The following INPP5A variants were observed in gnomAD, a reference collection of about 807,000 sequenced individuals.
INPP5A encodes the protein 43 kDa inositol polyphosphate 5-phophatase.
In INPP5A, 14 loss-of-function variants were observed where a neutral mutation model predicts 65.2. That is an observed-to-expected ratio of 0.21 (90% confidence interval 0.14 to 0.34). The LOEUF (loss-of-function observed/expected upper bound fraction) is 0.34, where lower values mean the gene tolerates loss of function less well. Ranked by LOEUF, INPP5A falls within the 10% of genes least tolerant of loss-of-function variation. INPP5A has a pLI of 1.00. For synonymous variants in INPP5A, 207 were observed against 208.3 expected, an observed-to-expected ratio of 0.99 and a Z score of 0.05; for missense variants, 431 against 545.6, an observed-to-expected ratio of 0.79 and a Z score of 2.09.
chr10:132,775,710 C>T (rs1380912946), intron 12 of INPP5A, among the ~76,000 whole-genome samples: 2 of 152,202 alleles, frequency 1.3e-5, no homozygotes, highest in African/African-American at 2.4e-5. Flanking sequence ...AAGCCGCTGC[C>T]ACTCTGGCAT....
rs1362772030 is a variant in INPP5A, at chr10:132,637,202, C to T, written c.118-8666C>T. On this transcript the variant is annotated intron_variant, in intron 2 of 15. Transcript: ENST00000368594. This position sits in a 1 kb window ranked among gnomAD's most constrained non-coding sequence, Gnocchi z 4.1. ...CCTCCCAAAGTGGTGGGATTACAGG[C>T]GTGAGCCACCTGTTGTTTAATTGAT... 6.6e-6 allele frequency among the ~76,000 whole-genome samples: 1 copy of T among 152,198 alleles called. No individual in the cohort carries two copies. The highest frequency in any genetic ancestry group is 1.9e-4 in the East Asian group (1 of 5,198).
chr10:132,688,134 G>A (rs1845172190), intron 4 of INPP5A, among the ~76,000 whole-genome samples: 1 of 152,296 alleles, frequency 6.6e-6, no homozygotes, highest in Non-Finnish European at 1.5e-5. Flanking sequence ...AACCAGAGAC[G>A]GCCTAACAGG....
intron 6 of INPP5A, among the ~76,000 whole-genome samples, chr10:132,699,911 G>C (rs1483093324): frequency 1.3e-5 from 2 of 152,218 alleles, no homozygotes; most frequent in African/African-American, 4.8e-5. Context: ...AGATCTGGGG[G>C]CCTCTGCTAT....
intron 12 of INPP5A, among the ~76,000 whole-genome samples, chr10:132,767,714 G>C (rs1005410287): frequency 2.6e-5 from 4 of 152,032 alleles, no homozygotes; most frequent in Admixed American, 1.3e-4. Context: ...AAAGATCCAT[G>C]GACCCCGACC....
intron 11 of INPP5A, among the ~76,000 whole-genome samples, chr10:132,757,568 G>A (rs933471689): frequency 2.0e-5 from 3 of 152,238 alleles, no homozygotes; most frequent in African/African-American, 4.8e-5. Context: ...CTAAGGGTGC[G>A]TTTCTCAGAC....
chr10:132,782,104 C>A lies in INPP5A; in HGVS notation c.*75C>A. ...CCTGTAGCCGTGGACCGAATACGCACTCTTGAAAGCTGCATCGAGAACCCG... is the reference window on the plus strand; with the variant it reads ...CCTGTAGCCGTGGACCGAATACGCAATCTTGAAAGCTGCATCGAGAACCCG... On this transcript the variant is annotated 3_prime_UTR_variant, in exon 16 of 16. Transcript: ENST00000368594. The surrounding 1 kb of genome is among the most constrained non-coding windows in gnomAD (Gnocchi z 4.4). The A allele has an allele frequency of 6.5e-7, 1 of 1,537,954 alleles. No individual in the cohort carries two copies.
At chr10:132,732,284 A>G (rs1396591349) in intron 9 of INPP5A, among the ~76,000 whole-genome samples, 1 of 152,272 alleles carries the variant, frequency 6.6e-6, no homozygotes, top group Non-Finnish European at 1.5e-5. Context: ...GCAAGTGTCT[A>G]AGATCCTTGC....
intron 2 of INPP5A, among the ~76,000 whole-genome samples, chr10:132,621,366 C>T (rs1018531894): frequency 2.0e-5 from 3 of 152,158 alleles, no homozygotes; most frequent in Non-Finnish European, 4.4e-5. Flanking sequence ...AAGAATACTC[C>T]TGTGGCACAG....
intron 1 of INPP5A, among the ~76,000 whole-genome samples, chr10:132,588,856 T>C (rs988013666): frequency 6.6e-6 from 1 of 151,906 alleles, no homozygotes; most frequent in African/African-American, 2.4e-5. Flanking sequence ...TGGGGTGTGG[T>C]CCCGCGTTCT....
Position 132,616,534 on chromosome 10 carries a change from G to A in INPP5A, c.117+8578G>A, listed in dbSNP as rs1191421541. ...GGGATGCTGTGGTCACATGGGACAT[G>A]GTGTATGGGACGTGGTGGTGACATA... On this transcript the variant is annotated intron_variant, in intron 2 of 15. Transcript: ENST00000368594. This position sits in a 1 kb window ranked among gnomAD's most constrained non-coding sequence, Gnocchi z 4.9. 6.6e-6 allele frequency among the ~76,000 whole-genome samples: 1 copy of A among 152,114 alleles called. No homozygotes were observed. Among genetic ancestry groups the A allele is most frequent in the African/African-American group, 2.4e-5 (1 of 41,396 alleles).
chr10:132,731,996 C>T (rs892943148), intron 9 of INPP5A, among the ~76,000 whole-genome samples: 3 of 152,226 alleles, frequency 2.0e-5, no homozygotes, highest in Non-Finnish European at 4.4e-5. Context: ...ACGTAGATGC[C>T]ACCCAGGGGA....
At chr10:132,669,314 C>T (rs1027087861) in intron 4 of INPP5A, among the ~76,000 whole-genome samples, 9 of 152,176 alleles carry the variant, frequency 5.9e-5, no homozygotes, top group East Asian at 1.9e-4. Context: ...GAAGTAGCCC[C>T]GTGAGCGCCA....
intron 2 of INPP5A, among the ~76,000 whole-genome samples, chr10:132,617,461 C>T (rs554444555): frequency 4.6e-5 from 7 of 152,262 alleles, no homozygotes; most frequent in Non-Finnish European, 8.8e-5. Context: ...GGGTGAGAGG[C>T]GGTGGAGGAC....
chr10:132,610,161 A>G (rs975550224), intron 2 of INPP5A, among the ~76,000 whole-genome samples: 1 of 152,274 alleles, frequency 6.6e-6, no homozygotes, highest in East Asian at 1.9e-4. Context: ...GGCAGTGGCC[A>G]GGCTCTACCT....
intron 8 of INPP5A, among the ~76,000 whole-genome samples, chr10:132,715,330 C>T (rs957463786): frequency 6.6e-6 from 1 of 152,146 alleles, no homozygotes; most frequent in Non-Finnish European, 1.5e-5. Flanking sequence ...CCCCTTTGTC[C>T]CCCCATTATT....
Position 132,603,627 on chromosome 10 carries a change from G to A in INPP5A, c.76-4288G>A, listed in dbSNP as rs532996155. On this transcript the variant is annotated intron_variant, in intron 1 of 15. Coordinates refer to ENST00000368594, the MANE Select transcript of INPP5A (RefSeq NM_005539.5). The surrounding 1 kb of genome is among the most constrained non-coding windows in gnomAD (Gnocchi z 4.2). ...CTTTTCTAAACTTGAAGAATGTAGC[G>A]TTTAAGAATACATTTTAATTTTAGA... 1.3e-4 allele frequency among the ~76,000 whole-genome samples: 20 copies of A among 152,300 alleles called. No homozygotes were observed. The South Asian group carries it at 2.3e-3, about 17-fold the overall frequency.
chr10:132,547,305 C>T lies in INPP5A; in HGVS notation c.75+9134C>T, dbSNP rs2070989747. 6.6e-6 allele frequency among the ~76,000 whole-genome samples: 1 copy of T among 152,156 alleles called. No individual in the cohort carries two copies. The highest frequency in any genetic ancestry group is 1.5e-5 in the Non-Finnish European group (1 of 68,018). On this transcript the variant is annotated intron_variant, in intron 1 of 15. Transcript: ENST00000368594. The surrounding 1 kb of genome is among the most constrained non-coding windows in gnomAD (Gnocchi z 5.5). ...CTGTCAGCCTTTGGGCTGAGTGAGGCGTTACTGCCATCAGGGGTCCCTGGA... is the reference window on the plus strand; with the variant it reads ...CTGTCAGCCTTTGGGCTGAGTGAGGTGTTACTGCCATCAGGGGTCCCTGGA...
chr10:132,676,458 C>G lies in INPP5A; in HGVS notation c.307-13934C>G, dbSNP rs2072965622. ...GGCATGGGGAATTTACTTGCTTTTC[C>G]TTTTTGTCTGGCATCAGCTCGTGAA... On this transcript the variant is annotated intron_variant, in intron 4 of 15. Transcript: ENST00000368594. This position sits in a 1 kb window ranked among gnomAD's most constrained non-coding sequence, Gnocchi z 4.0. 6.6e-6 allele frequency among the ~76,000 whole-genome samples: 1 copy of G among 152,174 alleles called. No homozygotes were observed. The highest frequency in any genetic ancestry group is 2.4e-5 in the African/African-American group (1 of 41,436).
rs1380561419 is a variant in INPP5A at position 132,704,039 on chromosome 10, A to C, written c.475-4274A>C. On this transcript the variant is annotated intron_variant, in intron 6 of 15. Transcript: ENST00000368594. The surrounding 1 kb of genome is among the most constrained non-coding windows in gnomAD (Gnocchi z 4.5). ...CCCACACACGCGTGGCTTCACCCCC[A>C]CACACACGCAGCTTCACCCGCATGG... Among the ~76,000 whole-genome samples the C allele has an allele frequency of 1.4e-5, 2 of 140,622 alleles. No individual in the cohort carries two copies. Among genetic ancestry groups the C allele is most frequent in the Non-Finnish European group, 3.1e-5 (2 of 63,934 alleles). The allele number at this position is 140,622 out of a possible 152,430, so 92.3% of individuals were successfully genotyped here.
Sources: allele counts gnomAD v4.1 joint callset (sites outside exome capture counted in the v4.1 genomes callset), GRCh38; gene constraint gnomAD v4.1.1; non-coding constraint Gnocchi (gnomAD v3.1); transcripts MANE v1.5; gene names NCBI Gene and HGNC (gene_info 2026-07-23, HGNC 2026-07-21).